The following ZBTB40 variants were observed in gnomAD, a reference collection of about 807,000 sequenced individuals.
The protein encoded by ZBTB40 is zinc finger and BTB domain-containing protein 40.
ZBTB40 carries 60 observed loss-of-function variants against 117.5 expected under a neutral mutation model. That is an observed-to-expected ratio of 0.51 (90% CI 0.41 to 0.63). The LOEUF is 0.63. Ranked by LOEUF, ZBTB40 falls within the 30% of genes least tolerant of loss-of-function variation. ZBTB40 has a pLI of 0.00. For synonymous variants in ZBTB40, 525 were observed against 577.1 expected (o/e 0.91, Z 1.29); for missense variants, 1,287 against 1,498.5 (o/e 0.86, Z 2.33).
At chr1:22,480,552 G>A (rs758863277) in intron 1 of ZBTB40, among the ~76,000 whole-genome samples, 6 of 151,216 alleles carry the variant, frequency 4.0e-5, no homozygotes, top group East Asian at 2.0e-4. Flanking sequence ...GGGTTTCATC[G>A]TGTTAGCCAG....
At chr1:22,443,052 A>G (rs1640751223) in intron 1 of ZBTB40, among the ~76,000 whole-genome samples, 1 of 152,214 alleles carries the variant, frequency 6.6e-6, no homozygotes. Context: ...AAATCTCCTG[A>G]TGCTTCCAAC....
At chr1:22,453,592 G>T (rs571726939) in intron 1 of ZBTB40, among the ~76,000 whole-genome samples, 1 of 152,288 alleles carries the variant, frequency 6.6e-6, no homozygotes, top group Admixed American at 6.5e-5. Context: ...CAGGTACTGT[G>T]CTAAGTGCTT....
chr1:22,482,809 C>T (rs994446075), intron 1 of ZBTB40, among the ~76,000 whole-genome samples: 2 of 152,182 alleles, frequency 1.3e-5, no homozygotes, highest in African/African-American at 2.4e-5. Flanking sequence ...CGGTGGCTCA[C>T]GCCTGTAATC....
chr1:22,501,555 G>A lies in ZBTB40; in HGVS notation c.895G>A (p.Val299Ile), dbSNP rs1638938663. 3 of 1,614,056 alleles carry A rather than the reference G, an allele frequency of 1.9e-6. No individual in the cohort carries two copies. The Admixed American group carries it at 5.0e-5, about 27-fold the overall frequency. Reference protein sequence around the residue: ...HSAFQRILGKVREESLDVQTV... With the variant: ...HSAFQRILGKIREESLDVQTV... The stretch of plus-strand genomic sequence containing the variant: ...AGCATTCCAGAGAATCCTGGGTAAA[G>A]TAAGAGAGGAAAGCCTGGATGTTCA... Residue 299 changes from valine to isoleucine, a missense_variant, in exon 4 of 18, where the codon GTA becomes ATA. Physicochemically the swap from Val to Ile is conservative, Grantham distance 29 (BLOSUM62 3). Coordinates refer to ENST00000375647, the MANE Select transcript of ZBTB40 (RefSeq NM_014870.4).
chr1:22,511,154 C>T, intron 9 of ZBTB40, 25 bp from the exon 10 acceptor site: 1 of 1,612,262 alleles, frequency 6.2e-7, no homozygotes, highest in Non-Finnish European at 8.5e-7. Context: ...TAACCCCACA[C>T]CTTTGTCTCC....
At chr1:22,437,901 G>C (rs1005368095) in intron 1 of ZBTB40, among the ~76,000 whole-genome samples, 1 of 151,774 alleles carries the variant, frequency 6.6e-6, no homozygotes, top group African/African-American at 2.4e-5. Context: ...GAGGCAGGCT[G>C]ATCACCTGGT....
chr1:22,525,681 C>T (rs922246005), intron 17 of ZBTB40, among the ~76,000 whole-genome samples: 3 of 152,254 alleles, frequency 2.0e-5, no homozygotes, highest in Admixed American at 6.5e-5. Flanking sequence ...TGAATGAATG[C>T]GTGGAGTCAC....
intron 1 of ZBTB40, among the ~76,000 whole-genome samples, chr1:22,472,386 A>T (rs1431974134): frequency 6.6e-6 from 1 of 151,814 alleles, no homozygotes; most frequent in Non-Finnish European, 1.5e-5. Context: ...GGGTCTTGCC[A>T]TGTTGCCCAG....
chr1:22,445,854 CAA>C (rs139091527), intron 1 of ZBTB40, among the ~76,000 whole-genome samples: 1,393 of 109,284 alleles, frequency 0.013, 13 homozygotes, highest in African/African-American at 0.042. Context: ...GACTCCGTCT[CAA>C]AAAAAAAAAA....
In ZBTB40 at chr1:22,490,104, G is replaced by T. The variant is rs780911131; in HGVS notation, c.156G>T (p.Leu52=). ...CTGCCAGCCTCCTGTTCAAAACCCTGCTGGATAACACAGATACCATCTCCA... is the reference window on the plus strand; with the variant it reads ...CTGCCAGCCTCCTGTTCAAAACCCTTCTGGATAACACAGATACCATCTCCA... ...LAAASLLFKT[L]LDNTDTISID... The change falls in exon 2 of 18, where the codon CTG becomes CTT. Residue 52 remains leucine (L), a synonymous_variant. Transcript: ENST00000375647. 3.1e-6 allele frequency: 5 copies of T among 1,614,164 alleles called. No homozygotes were observed. The Admixed American group carries it at 8.3e-5, about 27-fold the overall frequency.
At chr1:22,525,175 C>T (rs1231718549) in intron 17 of ZBTB40, among the ~76,000 whole-genome samples, 1 of 152,154 alleles carries the variant, frequency 6.6e-6, no homozygotes, top group East Asian at 1.9e-4. Context: ...CCCGCCAACA[C>T]TCTGCTGTCA....
At chr1:22,441,947 C>G (rs1358261076) in intron 1 of ZBTB40, among the ~76,000 whole-genome samples, 1 of 152,150 alleles carries the variant, frequency 6.6e-6, no homozygotes, top group African/African-American at 2.4e-5. Context: ...CTACATTACA[C>G]AAGTTTGGGT....
chr1:22,503,828 C>T (rs778157969), intron 5 of ZBTB40, among the ~76,000 whole-genome samples: 6 of 152,266 alleles, frequency 3.9e-5, no homozygotes, highest in East Asian at 3.9e-4. Context: ...GTTCCTGATT[C>T]CCTCTTTAGT....
At position 22,506,234 on chromosome 1, in the gene ZBTB40, C is replaced by T. The variant is rs750716172; in HGVS notation, c.1353C>T (p.Ser451=). ...TGCAGAAATCAGCCACTTTGCCAAG[C>T]ACCACAGGTATTAGTAAATTGTTGA... ...EKLQKSATLP[S]TTVQPSPDDY... The change falls in exon 6 of 18, where the codon AGC becomes AGT. Residue 451 remains serine (S), a synonymous_variant. Coordinates refer to ENST00000375647, the MANE Select transcript of ZBTB40 (RefSeq NM_014870.4). 1 of 1,614,110 alleles carries T rather than the reference C, an allele frequency of 6.2e-7. No homozygotes were observed. Among genetic ancestry groups the T allele is most frequent in the South Asian group, 1.1e-5 (1 of 91,084 alleles).
At chr1:22,479,913 G>GT (rs1187645701) in intron 1 of ZBTB40, among the ~76,000 whole-genome samples, 5 of 151,766 alleles carry the variant, frequency 3.3e-5, no homozygotes, top group Non-Finnish European at 4.4e-5. Flanking sequence ...TAAGTTCTTT[G>GT]TTTTTTTGGG....
chr1:22,470,413 A>C (rs1393482480), intron 1 of ZBTB40, among the ~76,000 whole-genome samples: 1 of 152,298 alleles, frequency 6.6e-6, no homozygotes, highest in Non-Finnish European at 1.5e-5. Flanking sequence ...GAACAGAGAA[A>C]GGGAACAAGG....
intron 13 of ZBTB40, 72 bp downstream of exon 13, chr1:22,517,536 A>C (rs2124466715): frequency 6.4e-7 from 1 of 1,553,572 alleles, no homozygotes; most frequent in East Asian, 2.3e-5. Context: ...ATTGCAGCAG[A>C]GGTGTCAATC....
intron 3 of ZBTB40, 111 bp downstream of exon 3, chr1:22,491,644 TA>T: frequency 3.9e-6 from 5 of 1,278,400 alleles, no homozygotes; most frequent in Non-Finnish European, 5.5e-6. Flanking sequence ...TTTGAAACTT[TA>T]ATTTTTTTTT....
At chr1:22,435,578 T>G (rs1391181935) in intron 1 of ZBTB40, among the ~76,000 whole-genome samples, 1 of 152,152 alleles carries the variant, frequency 6.6e-6, no homozygotes, top group Non-Finnish European at 1.5e-5. Flanking sequence ...ACCTTCAATT[T>G]AATGTTAAAG....
Sources: gnomAD v4.1 joint callset for allele counts (sites outside exome capture counted in the v4.1 genomes callset) on GRCh38, gnomAD v4.1.1 for gene constraint, MANE v1.5 for transcripts, NCBI Gene and HGNC (gene_info 2026-07-23, HGNC 2026-07-21) for gene names.